The following RNF111 variants were observed in gnomAD, a reference collection of about 807,000 sequenced individuals.
RNF111 encodes the protein E3 ubiquitin-protein ligase Arkadia.
In RNF111, 17 loss-of-function variants were observed where a neutral mutation model predicts 95.1. That is an observed-to-expected ratio of 0.18 (90% CI 0.12 to 0.27). The LOEUF (loss-of-function observed/expected upper bound fraction) is 0.27, where lower values mean the gene tolerates loss of function less well. Among genes scored for constraint, RNF111 ranks in the 10% least tolerant of loss-of-function variants. The probability of loss-of-function intolerance (pLI) is 1.00; values close to 1 mark genes in which losing one functional copy is unlikely to be tolerated. For synonymous variants in RNF111, 440 were observed against 414.8 expected (o/e 1.06, Z -0.74); for missense variants, 1,189 against 1,210.4 (o/e 0.98, Z 0.26).
At chr15:59,025,814 G>A (rs8025246) in intron 1 of RNF111, among the ~76,000 whole-genome samples, 1 of 151,410 alleles carries the variant, frequency 6.6e-6, no homozygotes, top group Admixed American at 6.6e-5. Flanking sequence ...CACCGCAACC[G>A]CTGCCTTGCG....
intron 1 of RNF111, among the ~76,000 whole-genome samples, chr15:59,017,500 A>G (rs996937530): frequency 1.3e-5 from 2 of 152,214 alleles, no homozygotes; most frequent in Non-Finnish European, 2.9e-5. Flanking sequence ...CTGTATATTT[A>G]TAAAAACATC....
At chr15:59,056,422 T>G (rs1453238158) in intron 4 of RNF111, among the ~76,000 whole-genome samples, 2 of 152,204 alleles carry the variant, frequency 1.3e-5, no homozygotes, top group Non-Finnish European at 2.9e-5. Flanking sequence ...TGAATACATA[T>G]GTGAATTTGC....
chr15:59,027,670 A>G (rs2040686981), intron 1 of RNF111, among the ~76,000 whole-genome samples: 1 of 151,988 alleles, frequency 6.6e-6, no homozygotes, highest in Non-Finnish European at 1.5e-5. Context: ...CTGGGATTAC[A>G]GGTGCCTGCC....
intron 4 of RNF111, among the ~76,000 whole-genome samples, chr15:59,056,387 G>C (rs1160940640): frequency 6.6e-6 from 1 of 152,218 alleles, no homozygotes; most frequent in Non-Finnish European, 1.5e-5. Flanking sequence ...GTTAGGAAAA[G>C]TGGTAGAATT....
At chr15:58,989,866 G>A (rs1255731142) in intron 1 of RNF111, among the ~76,000 whole-genome samples, 1 of 146,318 alleles carries the variant, frequency 6.8e-6, no homozygotes, top group African/African-American at 2.5e-5. Context: ...ATTTTTAGAT[G>A]TTTCCTTCTT....
intron 1 of RNF111, chr15:58,988,318 C>A (rs967918522): frequency 4.6e-5 from 7 of 152,406 alleles, no homozygotes; most frequent in Admixed American, 2.0e-4. Flanking sequence ...GAGGGGATTT[C>A]TCTCCCACTT....
chr15:59,066,754 C>G lies in RNF111; in HGVS notation c.1367-10C>G, dbSNP rs1378656763. On this transcript the variant is annotated splice_polypyrimidine_tract_variant and intron_variant, in intron 5 of 13. Coordinates refer to ENST00000348370, the MANE Select transcript of RNF111 (RefSeq NM_017610.8). ...ATTTGATTATTCTGTGCATTTTTTTCTGTTTCAAGATGACTCAAGGAGAAC... is the reference window on the plus strand; with the variant it reads ...ATTTGATTATTCTGTGCATTTTTTTGTGTTTCAAGATGACTCAAGGAGAAC... 6 of 1,597,812 alleles carry G rather than the reference C, an allele frequency of 3.8e-6. No individual in the cohort carries two copies. In the East Asian group the frequency reaches 1.1e-4, roughly 30 times the overall value.
At chr15:58,999,785 CA>C (rs2039244384) in intron 1 of RNF111, among the ~76,000 whole-genome samples, 1 of 152,120 alleles carries the variant, frequency 6.6e-6, no homozygotes, top group Admixed American at 6.6e-5. Flanking sequence ...CTCAAGGTTC[CA>C]TAGGTTTTAT....
chr15:59,012,234 G>T (rs1214331345), intron 1 of RNF111, among the ~76,000 whole-genome samples: 1 of 151,906 alleles, frequency 6.6e-6, no homozygotes, highest in Non-Finnish European at 1.5e-5. Context: ...GGCCAGGCTG[G>T]TCTCGAACTT....
At chr15:59,057,458 C>G (rs2042244529) in intron 4 of RNF111, among the ~76,000 whole-genome samples, 1 of 152,192 alleles carries the variant, frequency 6.6e-6, no homozygotes, top group Non-Finnish European at 1.5e-5. Context: ...AGTCAACCCT[C>G]TCATTCCATA....
Position 59,055,782 on chromosome 15 carries a change from A to G in RNF111, c.1108A>G (p.Thr370Ala). 6.2e-7 allele frequency: 1 copy of G among 1,614,036 alleles called. No homozygotes were observed. The highest frequency in any genetic ancestry group is 8.5e-7 in the Non-Finnish European group (1 of 1,179,966). ...QEPRNRSRIS[T>A]VIQPLRQNAA... is the part of the protein sequence containing the mutation. ...GCCACGGAACCGCAGTAGGATTTCT[A>G]CTGTTATACAGCCCTTGAGGCAGAA... Residue 370 changes from threonine to alanine, a missense_variant, in exon 4 of 14, where the codon ACT becomes GCT. By Grantham distance (58) the Thr-to-Ala change is moderately conservative. Transcript: ENST00000348370.
Position 59,029,161 on chromosome 15 carries a change from G to T in RNF111, c.-19-1643G>T, listed in dbSNP as rs193248409. 2.0e-5 allele frequency among the ~76,000 whole-genome samples: 3 copies of T among 152,102 alleles called. No individual in the cohort carries two copies. The East Asian group carries it at 5.8e-4, about 29-fold the overall frequency. ...TACATTTCCATCAGCAATATATGAG[G>T]GTTCCAATGTTTTTTTTTTATGCAT... On this transcript the variant is annotated intron_variant, in intron 1 of 13. Transcript: ENST00000348370.
intron 5 of RNF111, among the ~76,000 whole-genome samples, chr15:59,065,214 G>T (rs1360563774): frequency 6.6e-6 from 1 of 151,942 alleles, no homozygotes; most frequent in African/African-American, 2.4e-5. Context: ...TTGGCTTTAG[G>T]CTCTTCACTC....
chr15:59,008,760 T>C (rs1019932196), intron 1 of RNF111, among the ~76,000 whole-genome samples: 5 of 152,270 alleles, frequency 3.3e-5, no homozygotes, highest in South Asian at 2.1e-4. Flanking sequence ...AAAATCATAT[T>C]ACATTTATCA....
chr15:59,010,644 T>C (rs2039756579), intron 1 of RNF111, among the ~76,000 whole-genome samples: 1 of 152,170 alleles, frequency 6.6e-6, no homozygotes, highest in Admixed American at 6.5e-5. Context: ...TCAGGTGATC[T>C]GCCCACTTTG....
intron 2 of RNF111, chr15:59,049,437 G>A: frequency 4.9e-6 from 1 of 205,382 alleles, no homozygotes; most frequent in Non-Finnish European, 1.0e-5. Flanking sequence ...AGCAGTTCAG[G>A]CTCCTGTCCA....
chr15:59,068,374 A>G (rs2142093130), intron 6 of RNF111, among the ~76,000 whole-genome samples: 1 of 152,364 alleles, frequency 6.6e-6, no homozygotes, highest in East Asian at 1.9e-4. Flanking sequence ...TGGGAGGCCA[A>G]GGCAAGTGGA....
chr15:59,028,483 A>G (rs1232507908), intron 1 of RNF111, among the ~76,000 whole-genome samples: 2 of 152,172 alleles, frequency 1.3e-5, no homozygotes, highest in African/African-American at 2.4e-5. Context: ...TTCTAACAAC[A>G]TACTGTGATA....
intron 12 of RNF111, among the ~76,000 whole-genome samples, chr15:59,091,737 C>T (rs1373741993): frequency 6.6e-6 from 1 of 152,108 alleles, no homozygotes; most frequent in Non-Finnish European, 1.5e-5. Context: ...TTTTTGACAC[C>T]AGGGACCAGT....
Sources: gnomAD v4.1 joint callset for allele counts (sites outside exome capture counted in the v4.1 genomes callset) on GRCh38, gnomAD v4.1.1 for gene constraint, MANE v1.5 for transcripts, NCBI Gene and HGNC (gene_info 2026-07-23, HGNC 2026-07-21) for gene names.